The following OPCML variants were observed in gnomAD, a reference collection of about 807,000 sequenced individuals.
The protein encoded by OPCML is opioid-binding protein/cell adhesion molecule.
OPCML carries 13 observed loss-of-function variants against 37.8 expected under a neutral mutation model. The observed-to-expected ratio is 0.34, with a 90% CI of 0.22 to 0.55. The LOEUF (loss-of-function observed/expected upper bound fraction) is 0.55, where lower values mean the gene tolerates loss of function less well. Among genes scored for constraint, OPCML ranks in the 20% least tolerant of loss-of-function variants. The pLI is 0.91. For missense variants in OPCML, 341 were observed against 435.6 expected, an observed-to-expected ratio of 0.78 and a Z score of 1.93; for synonymous variants, 176 against 168.8, an observed-to-expected ratio of 1.04 and a Z score of -0.33.
chr11:132,552,914 C>G (rs1020566153), intron 3 of OPCML, among the ~76,000 whole-genome samples: 2 of 151,764 alleles, frequency 1.3e-5, no homozygotes, highest in African/African-American at 4.9e-5. Context: ...TACAGGTGCC[C>G]GCCACCATGC....
chr11:133,147,138 T>C (rs1406148352), intron 1 of OPCML, among the ~76,000 whole-genome samples: 1 of 152,138 alleles, frequency 6.6e-6, no homozygotes, highest in Non-Finnish European at 1.5e-5. Context: ...TCTGATCACT[T>C]CAACTTTAAA....
intron 2 of OPCML, among the ~76,000 whole-genome samples, chr11:132,715,881 T>G (rs551410480): frequency 6.6e-6 from 1 of 152,296 alleles, no homozygotes; most frequent in South Asian, 2.1e-4. Context: ...GTGGTCGGAA[T>G]AGAGGTAGAA....
At position 132,926,970 on chromosome 11, in the gene OPCML, G is replaced by A. The variant is rs540611489; in HGVS notation, c.146+15956C>T. ...TTTGAACAAGCAGAAAAAACAATCA[G>A]TGAACTTGAAGACATATCATTTGAA... On this transcript the variant is annotated intron_variant, in intron 2 of 7. Coordinates refer to ENST00000524381, the MANE Select transcript of OPCML (RefSeq NM_001012393.5). Among the ~76,000 whole-genome samples the A allele has an allele frequency of 5.3e-5, 8 of 152,198 alleles. No individual in the cohort carries two copies. In the South Asian group the frequency reaches 1.0e-3, roughly 20 times the overall value.
intron 2 of OPCML, among the ~76,000 whole-genome samples, chr11:132,715,204 T>C (rs1283265215): frequency 6.6e-6 from 1 of 152,204 alleles, no homozygotes; most frequent in Non-Finnish European, 1.5e-5. Flanking sequence ...GCGCTGGCTT[T>C]TCACTGGGAA....
chr11:133,383,270 G>T (rs765142923), intron 1 of OPCML, among the ~76,000 whole-genome samples: 2 of 152,054 alleles, frequency 1.3e-5, no homozygotes, highest in Non-Finnish European at 1.5e-5. Context: ...CTCATTCCTC[G>T]ATCCCCATTA....
intron 1 of OPCML, among the ~76,000 whole-genome samples, chr11:133,270,544 G>C (rs900349008): frequency 6.6e-6 from 1 of 152,096 alleles, no homozygotes; most frequent in African/African-American, 2.4e-5. Flanking sequence ...ATTTAAAATA[G>C]ATATCAAATA....
At chr11:133,150,431 C>A (rs911712972) in intron 1 of OPCML, among the ~76,000 whole-genome samples, 1 of 152,166 alleles carries the variant, frequency 6.6e-6, no homozygotes, top group South Asian at 2.1e-4. Flanking sequence ...GGTTTCAACC[C>A]AGGACTCTGA....
At chr11:133,269,281 G>A (rs759256278) in intron 1 of OPCML, among the ~76,000 whole-genome samples, 11 of 152,146 alleles carry the variant, frequency 7.2e-5, no homozygotes, top group Non-Finnish European at 1.0e-4. Flanking sequence ...GAAATTCCCC[G>A]AGAGTGAAAC....
chr11:133,000,753 T>G (rs533294339), intron 1 of OPCML, among the ~76,000 whole-genome samples: 4 of 152,354 alleles, frequency 2.6e-5, no homozygotes, highest in Middle Eastern at 3.4e-3. Flanking sequence ...ATTGGCTTAA[T>G]ATGGTTTGTC....
chr11:133,204,006 C>T lies in OPCML; in HGVS notation c.62-260996G>A, dbSNP rs1043987701. On this transcript the variant is annotated intron_variant, in intron 1 of 7. Coordinates refer to ENST00000524381, the MANE Select transcript of OPCML (RefSeq NM_001012393.5). ...CTGGGAGGCGGAGCTTGCATTGAGC[C>T]GAGATCCCGCCACTGCATTCCAGCC... is the stretch of plus-strand genomic sequence containing the variant. Among the ~76,000 whole-genome samples the T allele has an allele frequency of 3.8e-5, 5 of 133,036 alleles. No homozygotes were observed. The Admixed American group carries it at 4.4e-4, about 12-fold the overall frequency. 87.3% of individuals were successfully genotyped at this position (133,036 alleles called of 152,430 possible).
At position 133,367,286 on chromosome 11, in the gene OPCML, G is replaced by A. The variant is rs571280621; in HGVS notation, c.61+164978C>T. On this transcript the variant is annotated intron_variant, in intron 1 of 7. Coordinates refer to ENST00000524381, the MANE Select transcript of OPCML (RefSeq NM_001012393.5). ...GCCACCACACCCAGCCGGAATGCAGGAGTCAGGCTCTTCAGGTCGCTAAAG... is the reference window on the plus strand; with the variant it reads ...GCCACCACACCCAGCCGGAATGCAGAAGTCAGGCTCTTCAGGTCGCTAAAG... Among the ~76,000 whole-genome samples the A allele has an allele frequency of 3.7e-4, 56 of 152,262 alleles. No individual in the cohort carries two copies. The South Asian group carries it at 0.012, about 32-fold the overall frequency.
At chr11:133,438,163 T>C (rs1946283433) in intron 1 of OPCML, among the ~76,000 whole-genome samples, 1 of 152,120 alleles carries the variant, frequency 6.6e-6, no homozygotes, top group African/African-American at 2.4e-5. Flanking sequence ...AACCATGGAG[T>C]CTGCCAGAGA....
chr11:133,097,704 G>A (rs1424896176), intron 1 of OPCML, among the ~76,000 whole-genome samples: 1 of 152,038 alleles, frequency 6.6e-6, no homozygotes, highest in South Asian at 2.1e-4. Context: ...CCAACCCATG[G>A]ACATTAAAAG....
chr11:133,128,892 C>A (rs1294505274), intron 1 of OPCML, among the ~76,000 whole-genome samples: 1 of 152,182 alleles, frequency 6.6e-6, no homozygotes, highest in East Asian at 1.9e-4. Flanking sequence ...CTGCTTCTGG[C>A]CAAAGTGCAG....
chr11:132,577,080 G>A (rs2096452747), intron 3 of OPCML, among the ~76,000 whole-genome samples: 2 of 152,186 alleles, frequency 1.3e-5, no homozygotes, highest in Admixed American at 1.3e-4. Flanking sequence ...CAGTGAGAGA[G>A]TGTCCTGAAT....
At chr11:132,570,820 G>GAGAGAGAGAGAGAGAGAGAGAGAGAGA (rs1245612388) in intron 3 of OPCML, among the ~76,000 whole-genome samples, 1 of 123,708 alleles carries the variant, frequency 8.1e-6, no homozygotes, top group African/African-American at 3.1e-5. Flanking sequence ...GAGAGAGAGA[G>GAGAGAGAGAGAGAGAGAGAGAGAGAGA]GATATATACT....
intron 3 of OPCML, among the ~76,000 whole-genome samples, chr11:132,557,641 T>C (rs1209501282): frequency 1.3e-5 from 2 of 152,234 alleles, no homozygotes; most frequent in Non-Finnish European, 2.9e-5. Context: ...TTCATGACAC[T>C]CATTAAATTG....
chr11:132,614,382 G>A (rs150868974), intron 3 of OPCML, among the ~76,000 whole-genome samples: 97 of 152,230 alleles, frequency 6.4e-4, no homozygotes, highest in African/African-American at 2.1e-3. Context: ...CCAACTCTTC[G>A]TTTAATAACC....
At chr11:133,393,644 C>T (rs960709367) in intron 1 of OPCML, among the ~76,000 whole-genome samples, 1 of 152,212 alleles carries the variant, frequency 6.6e-6, no homozygotes, top group Non-Finnish European at 1.5e-5. Context: ...TGGATCCTAG[C>T]TGCTGTGATG....
Sources: gnomAD v4.1 joint callset for allele counts (sites outside exome capture counted in the v4.1 genomes callset) on GRCh38, gnomAD v4.1.1 for gene constraint, MANE v1.5 for transcripts, NCBI Gene and HGNC (gene_info 2026-07-23, HGNC 2026-07-21) for gene names.